Variants in ARHGAP44 observed in about 807,000 individuals in gnomAD.
ARHGAP44 encodes the protein Rho GTPase activating protein 44.
In ARHGAP44, 43 loss-of-function variants were observed where a neutral mutation model predicts 106.8. The ratio of observed to expected loss-of-function variants is 0.40; its 90% CI spans 0.32 to 0.52. The LOEUF (loss-of-function observed/expected upper bound fraction) is 0.52, where lower values mean the gene tolerates loss of function less well. Ranked by LOEUF, ARHGAP44 falls within the 20% of genes least tolerant of loss-of-function variation. ARHGAP44 has a pLI of 0.48. For missense variants in ARHGAP44, 866 were observed against 1,050.5 expected (o/e 0.82, Z 2.43); for synonymous variants, 439 against 410.3 (o/e 1.07, Z -0.85).
intron 16 of ARHGAP44, among the ~76,000 whole-genome samples, chr17:12,964,495 G>C (rs961528974): frequency 2.6e-5 from 4 of 152,148 alleles, no homozygotes; most frequent in African/African-American, 4.8e-5. Flanking sequence ...GAATAGAAGC[G>C]ACAGGCTGGG....
In ARHGAP44 at chr17:12,841,637, C is replaced by CACACACAAAA. The variant is rs1555546100; in HGVS notation, c.53+51749_53+51750insCACAAAAACA. Among the ~76,000 whole-genome samples the CACACACAAAA allele has an allele frequency of 4.9e-5, 5 of 101,618 alleles. No individual in the cohort carries two copies. In the Admixed American group the frequency reaches 5.1e-4, roughly 10 times the overall value. 66.7% of individuals were successfully genotyped at this position (101,618 alleles called of 152,430 possible). ...ACACACACACACACACACACACACA[C>CACACACAAAA]ACAAACAAACAAACAAAAACCACAC... On this transcript the variant is annotated intron_variant, in intron 1 of 20. Coordinates refer to ENST00000379672, the MANE Select transcript of ARHGAP44 (RefSeq NM_014859.6).
intron 1 of ARHGAP44, among the ~76,000 whole-genome samples, chr17:12,804,934 T>A (rs2034227971): frequency 6.6e-6 from 1 of 152,196 alleles, no homozygotes; most frequent in African/African-American, 2.4e-5. Context: ...CCTAGCTTCC[T>A]CCATCATTCT....
intron 1 of ARHGAP44, among the ~76,000 whole-genome samples, chr17:12,809,186 A>G (rs2034366021): frequency 6.6e-6 from 1 of 152,210 alleles, no homozygotes. Context: ...AGGAAGTTCC[A>G]AACTTTCCCA....
chr17:12,807,156 A>T (rs141078645), intron 1 of ARHGAP44, among the ~76,000 whole-genome samples: 48 of 152,272 alleles, frequency 3.2e-4, no homozygotes, highest in Middle Eastern at 3.4e-3. Flanking sequence ...TTTTATTGAC[A>T]CTTATGTGCA....
At chr17:12,891,242 A>G (rs1426562092) in intron 1 of ARHGAP44, among the ~76,000 whole-genome samples, 1 of 152,102 alleles carries the variant, frequency 6.6e-6, no homozygotes, top group African/African-American at 2.4e-5. Flanking sequence ...TGCTTCCACA[A>G]TTGTAGGTAT....
At chr17:12,874,511 G>A (rs1012847644) in intron 1 of ARHGAP44, among the ~76,000 whole-genome samples, 1 of 151,966 alleles carries the variant, frequency 6.6e-6, no homozygotes. Context: ...CAGGTGGATC[G>A]CCTGAGGTCA....
At chr17:12,953,921 C>G (rs2039060424) in intron 13 of ARHGAP44, among the ~76,000 whole-genome samples, 1 of 152,140 alleles carries the variant, frequency 6.6e-6, no homozygotes, top group Non-Finnish European at 1.5e-5. Flanking sequence ...GAGTCTCACT[C>G]TATCTCCCAG....
At chr17:12,854,964 A>G (rs1006054060) in intron 1 of ARHGAP44, among the ~76,000 whole-genome samples, 2 of 143,366 alleles carry the variant, frequency 1.4e-5, no homozygotes, top group African/African-American at 5.9e-5. Flanking sequence ...GTCTCAAAAA[A>G]AAAAAAAAAA....
chr17:12,989,405 G>C (rs1030673886), intron 20 of ARHGAP44, among the ~76,000 whole-genome samples: 1 of 152,134 alleles, frequency 6.6e-6, no homozygotes, highest in East Asian at 1.9e-4. Flanking sequence ...CATTTCTCCT[G>C]TTCATCTTGC....
intron 3 of ARHGAP44, among the ~76,000 whole-genome samples, chr17:12,900,345 G>A (rs1271554916): frequency 2.0e-5 from 3 of 151,986 alleles, no homozygotes; most frequent in African/African-American, 7.3e-5. Flanking sequence ...GGCCAGGCTG[G>A]TCTTGAACTC....
intron 5 of ARHGAP44, among the ~76,000 whole-genome samples, chr17:12,916,570 A>G (rs1253444156): frequency 1.3e-5 from 2 of 152,102 alleles, no homozygotes; most frequent in Non-Finnish European, 2.9e-5. Context: ...TTTTTAGTAG[A>G]GACGGGGTTT....
rs138636603 is a variant in ARHGAP44, at chr17:12,800,810, G to A, written c.53+10919G>A. On this transcript the variant is annotated intron_variant, in intron 1 of 20. Transcript: ENST00000379672. ...TTTGAACCAGGGCCTAAGTAGGTCA[G>A]TCGTAGGCAAATGCCTCTCCTGCTT... Among the ~76,000 whole-genome samples the A allele has an allele frequency of 7.5e-3, 1,144 of 152,298 alleles. 18 individuals are homozygous for A. Among genetic ancestry groups the A allele is most frequent in the African/African-American group, 0.026 (1,091 of 41,550 alleles).
chr17:12,940,995 T>A, intron 7 of ARHGAP44, 61 bp from the exon 8 acceptor site: 1 of 1,432,944 alleles, frequency 7.0e-7, no homozygotes, highest in Admixed American at 1.7e-5. Context: ...TGTTGACTTA[T>A]GCATTAGCCA....
chr17:12,812,177 G>A (rs2034459303), intron 1 of ARHGAP44, among the ~76,000 whole-genome samples: 1 of 152,116 alleles, frequency 6.6e-6, no homozygotes, highest in Admixed American at 6.5e-5. Context: ...ATTCCAGTAG[G>A]AAAAATAAGA....
chr17:12,914,295 A>G (rs1018897044), intron 4 of ARHGAP44, among the ~76,000 whole-genome samples: 3 of 152,250 alleles, frequency 2.0e-5, no homozygotes, highest in Non-Finnish European at 4.4e-5. Context: ...TGGCAAGGGC[A>G]TAGGGCAATG....
In ARHGAP44 at chr17:12,927,812, A is replaced by G. The variant is rs1423311436; in HGVS notation, c.465-1117A>G. On this transcript the variant is annotated intron_variant, in intron 6 of 20. Transcript: ENST00000379672. The stretch of plus-strand genomic sequence containing the variant: ...GCCTTGGCTGCTGTTTGTCCTCCTG[A>G]TTACAGGATTGTTTTTCTTAGAGCT... Among the ~76,000 whole-genome samples, 5 of 152,124 alleles carry G rather than the reference A, an allele frequency of 3.3e-5. No homozygotes were observed. In the East Asian group the frequency reaches 9.6e-4, roughly 29 times the overall value.
intron 1 of ARHGAP44, among the ~76,000 whole-genome samples, chr17:12,856,642 T>C (rs889208124): frequency 6.6e-6 from 1 of 152,188 alleles, no homozygotes; most frequent in African/African-American, 2.4e-5. Context: ...GAAAGTGACC[T>C]CTGAGGTCAG....
chr17:12,902,931 G>T (rs1310030503), intron 3 of ARHGAP44, among the ~76,000 whole-genome samples: 1 of 152,032 alleles, frequency 6.6e-6, no homozygotes, highest in Non-Finnish European at 1.5e-5. Flanking sequence ...GCAGTGGCCC[G>T]CTATTAGACT....
chr17:12,888,812 G>T (rs1415618559), intron 1 of ARHGAP44, among the ~76,000 whole-genome samples: 7 of 152,022 alleles, frequency 4.6e-5, no homozygotes, highest in Admixed American at 3.9e-4. Context: ...TGTCTTAGTG[G>T]CTTGACCCTT....
Sources: allele counts gnomAD v4.1 joint callset (sites outside exome capture counted in the v4.1 genomes callset), GRCh38; gene constraint gnomAD v4.1.1; transcripts MANE v1.5; gene names NCBI Gene and HGNC (gene_info 2026-07-23, HGNC 2026-07-21).